Variants in PCDH9 observed in about 807,000 individuals in gnomAD.
PCDH9 encodes the protein protocadherin 9.
PCDH9 carries 24 observed loss-of-function variants against 70.6 expected under a neutral mutation model. The observed-to-expected ratio is 0.34, with a 90% confidence interval of 0.25 to 0.48. The LOEUF is 0.48. PCDH9 is among the 20% of genes least tolerant of loss of function. The pLI, the probability that PCDH9 is intolerant of heterozygous loss-of-function variation, is 0.99. For synonymous variants in PCDH9, 562 were observed against 558.5 expected (o/e 1.01, Z -0.09); for missense variants, 1,281 against 1,503.6 (o/e 0.85, Z 2.45).
chr13:66,905,382 C>T (rs989249668), intron 2 of PCDH9, among the ~76,000 whole-genome samples: 1 of 152,106 alleles, frequency 6.6e-6, no homozygotes, highest in African/African-American at 2.4e-5. Flanking sequence ...CAGTGAGTCT[C>T]ACCCTGACTG....
intron 3 of PCDH9, among the ~76,000 whole-genome samples, chr13:66,822,451 C>G (rs547139132): frequency 1.1e-4 from 16 of 150,688 alleles, no homozygotes; most frequent in Non-Finnish European, 2.1e-4. Context: ...AGTGCTAGAG[C>G]TATACTAAAC....
chr13:66,997,113 C>A (rs2139811317), intron 2 of PCDH9, among the ~76,000 whole-genome samples: 1 of 152,218 alleles, frequency 6.6e-6, no homozygotes, highest in African/African-American at 2.4e-5. Flanking sequence ...CTTATCCATT[C>A]ATTCATGGAA....
At chr13:66,965,615 G>A (rs770226653) in intron 2 of PCDH9, among the ~76,000 whole-genome samples, 19 of 151,516 alleles carry the variant, frequency 1.3e-4, no homozygotes, top group Non-Finnish European at 2.7e-4. Context: ...TCCCTCCGTC[G>A]GGGCCATCAC....
intron 2 of PCDH9, among the ~76,000 whole-genome samples, chr13:66,939,255 T>C (rs899946278): frequency 4.6e-5 from 7 of 152,190 alleles, no homozygotes; most frequent in African/African-American, 1.7e-4. Context: ...TAATGAAGAA[T>C]CATGATTCTA....
rs889797070 is a variant in PCDH9, at chr13:66,485,624, CAG to C, written c.3340+145584_3340+145585del. 1.2e-3 allele frequency among the ~76,000 whole-genome samples: 173 copies of C among 146,018 alleles called. 1 individual carries two copies. The highest frequency in any genetic ancestry group is 4.6e-3 in the African/African-American group (170 of 37,076). On this transcript the variant is annotated intron_variant, in intron 4 of 4. Coordinates refer to ENST00000377865, the MANE Select transcript of PCDH9 (RefSeq NM_203487.3). ...AAAATCATATATATAGAGAGAGAGA[CAG>C]AGACATAGAAAGAGACTTATGGCAA...
chr13:66,350,419 G>C (rs929303600), intron 4 of PCDH9, among the ~76,000 whole-genome samples: 1 of 152,026 alleles, frequency 6.6e-6, no homozygotes, highest in African/African-American at 2.4e-5. Context: ...TGACATCACT[G>C]CCCACTCCTT....
chr13:66,796,292 A>G (rs1034787601), intron 3 of PCDH9, among the ~76,000 whole-genome samples: 3 of 152,170 alleles, frequency 2.0e-5, no homozygotes, highest in African/African-American at 7.2e-5. Flanking sequence ...ATGTGTACAG[A>G]GGCTGGGGAA....
chr13:66,508,739 G>A (rs1959309043), intron 4 of PCDH9, among the ~76,000 whole-genome samples: 1 of 152,108 alleles, frequency 6.6e-6, no homozygotes, highest in Non-Finnish European at 1.5e-5. Context: ...CTACTATCTT[G>A]CACAGTATGA....
At chr13:66,401,326 A>G (rs1389932450) in intron 4 of PCDH9, among the ~76,000 whole-genome samples, 8 of 149,932 alleles carry the variant, frequency 5.3e-5, no homozygotes, top group Non-Finnish European at 5.9e-5. Flanking sequence ...TGAGTGAGTT[A>G]TCATGGGATC....
At chr13:66,783,622 C>A (rs2080034820) in intron 3 of PCDH9, among the ~76,000 whole-genome samples, 1 of 152,050 alleles carries the variant, frequency 6.6e-6, no homozygotes, top group Non-Finnish European at 1.5e-5. Flanking sequence ...TTAAGTAATT[C>A]AAATTCATTT....
chr13:66,990,338 C>T (rs1310976583), intron 2 of PCDH9, among the ~76,000 whole-genome samples: 1 of 151,680 alleles, frequency 6.6e-6, no homozygotes, highest in Non-Finnish European at 1.5e-5. Context: ...CTTGTTAATA[C>T]AGTTCATCAT....
intron 3 of PCDH9, among the ~76,000 whole-genome samples, chr13:66,749,077 A>C (rs916480057): frequency 6.6e-6 from 1 of 152,266 alleles, no homozygotes; most frequent in South Asian, 2.1e-4. Context: ...CATGATTATA[A>C]GTTTCCTGAG....
chr13:66,748,602 G>A lies in PCDH9; in HGVS notation c.3139-117191C>T, dbSNP rs576726995. Among the ~76,000 whole-genome samples, 6 of 152,278 alleles carry A rather than the reference G, an allele frequency of 3.9e-5. No homozygotes were observed. The East Asian group carries it at 1.2e-3, about 29-fold the overall frequency. ...CATGAAGATGTAGTGTGTCAGCAAA[G>A]CAGACTCCATGTGCAGCTCATTGAA... On this transcript the variant is annotated intron_variant, in intron 3 of 4. Coordinates refer to ENST00000377865, the MANE Select transcript of PCDH9 (RefSeq NM_203487.3).
rs567106408 is a variant in PCDH9, at chr13:66,492,785, A to G, written c.3340+138425T>C. Among the ~76,000 whole-genome samples the G allele has an allele frequency of 2.6e-5, 4 of 152,278 alleles. No individual in the cohort carries two copies. In the South Asian group the frequency reaches 8.3e-4, roughly 32 times the overall value. On this transcript the variant is annotated intron_variant, in intron 4 of 4. Transcript: ENST00000377865. The stretch of plus-strand genomic sequence containing the variant: ...GAGAAAAGGTTATGTTTCACATTTA[A>G]GCTTTGAATAATAAGGTCAGGATCA...
chr13:67,082,852 C>A (rs1481802916), intron 2 of PCDH9, among the ~76,000 whole-genome samples: 1 of 152,008 alleles, frequency 6.6e-6, no homozygotes, highest in Admixed American at 6.6e-5. Context: ...AAGGATAGAC[C>A]AAATAATTTT....
intron 2 of PCDH9, among the ~76,000 whole-genome samples, chr13:67,110,680 T>C (rs915981015): frequency 1.3e-5 from 2 of 152,190 alleles, no homozygotes; most frequent in African/African-American, 4.8e-5. Context: ...TTTACAAGGT[T>C]GGTGTGATCC....
At chr13:66,352,657 C>T (rs1956310625) in intron 4 of PCDH9, among the ~76,000 whole-genome samples, 2 of 152,138 alleles carry the variant, frequency 1.3e-5, no homozygotes, top group Admixed American at 1.3e-4. Context: ...CCCTTAATTA[C>T]ATCCTTAGAG....
intron 4 of PCDH9, among the ~76,000 whole-genome samples, chr13:66,397,424 A>ATGTGTGTGTATACATATATGTGTG (rs1957118646): frequency 6.7e-6 from 1 of 148,634 alleles, no homozygotes; most frequent in African/African-American, 2.5e-5. Flanking sequence ...GTCGATATAT[A>ATGTGTGTGTATACATATATGTGTG]TGTGTGTGTA....
intron 3 of PCDH9, among the ~76,000 whole-genome samples, chr13:66,861,609 G>C (rs2081486198): frequency 6.6e-6 from 1 of 152,088 alleles, no homozygotes; most frequent in Non-Finnish European, 1.5e-5. Context: ...TAATAACGTA[G>C]TCAATAAAGT....
Sources: allele counts gnomAD v4.1 joint callset (sites outside exome capture counted in the v4.1 genomes callset), GRCh38; gene constraint gnomAD v4.1.1; transcripts MANE v1.5; gene names NCBI Gene and HGNC (gene_info 2026-07-23, HGNC 2026-07-21).